UBE2D2: variants seen among roughly 807,000 people sequenced by gnomAD.
UBE2D2 encodes the protein ubiquitin-conjugating enzyme E2 D2.
UBE2D2 carries 2 observed loss-of-function variants against 24.2 expected under a neutral mutation model. That is an observed-to-expected ratio of 0.08 (90% CI 0.03 to 0.26). The LOEUF (loss-of-function observed/expected upper bound fraction) is 0.26, where lower values mean the gene tolerates loss of function less well. Among genes scored for constraint, UBE2D2 ranks in the 10% least tolerant of loss-of-function variants. The pLI, the probability that UBE2D2 is intolerant of heterozygous loss-of-function variation, is 1.00. For missense variants in UBE2D2, 44 were observed against 177.6 expected (o/e 0.25, Z 4.28); for synonymous variants, 58 against 56.5 (o/e 1.03, Z -0.12).
At chr5:139,587,642 C>A (rs1404388839) in intron 1 of UBE2D2, among the ~76,000 whole-genome samples, 1 of 137,286 alleles carries the variant, frequency 7.3e-6, no homozygotes, top group Admixed American at 8.2e-5. Flanking sequence ...CACTGCACTC[C>A]AGCCTGGCCG....
At chr5:139,544,168 C>CTT (rs33938446) in intron 1 of UBE2D2, among the ~76,000 whole-genome samples, 8,650 of 136,568 alleles carry the variant, frequency 0.063, 292 homozygotes, top group South Asian at 0.1. Flanking sequence ...TTCTTTCTTT[C>CTT]TTTTTTTTTT....
intron 1 of UBE2D2, among the ~76,000 whole-genome samples, chr5:139,546,184 C>T (rs1176913782): frequency 6.6e-6 from 1 of 151,992 alleles, no homozygotes; most frequent in African/African-American, 2.4e-5. Flanking sequence ...GCTGGGATTA[C>T]AGCTGCCCAC....
At chr5:139,606,850 CCT>C (rs1472392707) in intron 2 of UBE2D2, among the ~76,000 whole-genome samples, 4 of 152,074 alleles carry the variant, frequency 2.6e-5, no homozygotes, top group Non-Finnish European at 5.9e-5. Flanking sequence ...TCGTCGCCCC[CCT>C]GGAGTGTAGT....
chr5:139,566,347 A>C (rs1326780857), intron 1 of UBE2D2, among the ~76,000 whole-genome samples: 3 of 150,328 alleles, frequency 2.0e-5, no homozygotes. Flanking sequence ...AGGCGTCTCA[A>C]GACAAAGTTC....
chr5:139,617,135 A>G (rs1040647350), intron 5 of UBE2D2, among the ~76,000 whole-genome samples: 1 of 151,788 alleles, frequency 6.6e-6, no homozygotes, highest in Non-Finnish European at 1.5e-5. Context: ...GTGAGTCAAG[A>G]TGGTACCATT....
Position 139,608,693 on chromosome 5 carries a change from C to T in UBE2D2, c.89-5893C>T, listed in dbSNP as rs78499951. Among the ~76,000 whole-genome samples, 799 of 152,210 alleles carry T rather than the reference C, an allele frequency of 5.2e-3. 5 individuals carry two copies. The highest frequency in any genetic ancestry group is 0.018 in the African/African-American group (736 of 41,524). ...ACCCTGTTGGGGATTCTGCGTTGTCCAATTGTTAGTAGATTTTGATCCCAC... is the reference window on the plus strand; with the variant it reads ...ACCCTGTTGGGGATTCTGCGTTGTCTAATTGTTAGTAGATTTTGATCCCAC... On this transcript the variant is annotated intron_variant, in intron 2 of 6. Transcript: ENST00000398733.
chr5:139,561,865 G>A, intron 1 of UBE2D2, 50 bp downstream of exon 1: 1 of 1,446,280 alleles, frequency 6.9e-7, no homozygotes, highest in Admixed American at 2.8e-5. Context: ...GCAGGCTGCG[G>A]CCTGCACTTC....
At chr5:139,577,640 C>T (rs943181043) in intron 1 of UBE2D2, among the ~76,000 whole-genome samples, 12 of 152,134 alleles carry the variant, frequency 7.9e-5, no homozygotes, top group African/African-American at 2.9e-4. Flanking sequence ...TCTCGAACTC[C>T]TGACCTCAGG....
intron 1 of UBE2D2, among the ~76,000 whole-genome samples, chr5:139,574,231 A>T (rs548455013): frequency 2.3e-4 from 33 of 145,634 alleles, no homozygotes; most frequent in South Asian, 6.9e-4. Flanking sequence ...CAGTGAGCTG[A>T]GATTGCACAC....
At chr5:139,568,397 T>G (rs1279398614) in intron 1 of UBE2D2, among the ~76,000 whole-genome samples, 1 of 150,488 alleles carries the variant, frequency 6.6e-6, no homozygotes, top group African/African-American at 2.4e-5. Context: ...CTGTGGCTCA[T>G]GCCTGTAATC....
At chr5:139,586,759 C>G (rs796076158) in intron 1 of UBE2D2, among the ~76,000 whole-genome samples, 1 of 150,472 alleles carries the variant, frequency 6.6e-6, no homozygotes, top group Non-Finnish European at 1.5e-5. Context: ...AGCGAGACTC[C>G]GTCTCAAAAA....
chr5:139,549,612 G>A (rs1230846933), intron 1 of UBE2D2, among the ~76,000 whole-genome samples: 3 of 152,206 alleles, frequency 2.0e-5, no homozygotes, highest in Admixed American at 2.0e-4. Flanking sequence ...AGCCCGCCAT[G>A]CCTGAACACC....
At chr5:139,585,120 G>T (rs1038296380) in intron 1 of UBE2D2, among the ~76,000 whole-genome samples, 1 of 150,954 alleles carries the variant, frequency 6.6e-6, no homozygotes, top group Non-Finnish European at 1.5e-5. Flanking sequence ...GGCTGGTCTC[G>T]AACTCCGCAC....
intron 1 of UBE2D2, among the ~76,000 whole-genome samples, chr5:139,589,577 ACAGT>A (rs1753801373): frequency 6.6e-6 from 1 of 152,216 alleles, no homozygotes; most frequent in Non-Finnish European, 1.5e-5. Flanking sequence ...ACAGTTGCAT[ACAGT>A]GTTTGTTTTG....
At chr5:139,547,865 T>C (rs146729620) in intron 1 of UBE2D2, among the ~76,000 whole-genome samples, 2,090 of 152,054 alleles carry the variant, frequency 0.014, 50 homozygotes, top group African/African-American at 0.047. Flanking sequence ...CAGCTAATTT[T>C]TGTATTTTTA....
Position 139,626,969 on chromosome 5 carries a change from C to T in UBE2D2, c.*168C>T, listed in dbSNP as rs1754643375. 1.7e-6 allele frequency: 1 copy of T among 583,478 alleles called. No homozygotes were observed. Among genetic ancestry groups the T allele is most frequent in the Non-Finnish European group, 3.0e-6 (1 of 331,866 alleles). The allele number at this position is 583,478 out of a possible 1,614,324, so 36.1% of individuals were successfully genotyped here. On this transcript the variant is annotated 3_prime_UTR_variant, in exon 7 of 7. Transcript: ENST00000398733. ...TGCGTGTTGTACATACTTGGAACAA[C>T]AAACTAGAAATACTGTACTTCTGTA...
chr5:139,623,031 A>T (rs928082007), intron 5 of UBE2D2, among the ~76,000 whole-genome samples: 1 of 151,836 alleles, frequency 6.6e-6, no homozygotes, highest in African/African-American at 2.4e-5. Flanking sequence ...GCGAAACCCC[A>T]TCTCTACTAA....
At chr5:139,531,339 C>G (rs1752594062) in intron 1 of UBE2D2, among the ~76,000 whole-genome samples, 1 of 152,304 alleles carries the variant, frequency 6.6e-6, no homozygotes, top group South Asian at 2.1e-4. Context: ...CTGTTTCTCT[C>G]TGACCACCGG....
At chr5:139,556,236 C>CAA (rs572216597), upstream of UBE2D2, among the ~76,000 whole-genome samples, 6 of 117,962 alleles carry the variant, frequency 5.1e-5, no homozygotes, top group African/African-American at 1.9e-4. Flanking sequence ...AACTCCATCT[C>CAA]AAAAAAAAAA....
Sources: allele counts gnomAD v4.1 joint callset (sites outside exome capture counted in the v4.1 genomes callset), GRCh38; gene constraint gnomAD v4.1.1; transcripts MANE v1.5; gene names NCBI Gene and HGNC (gene_info 2026-07-23, HGNC 2026-07-21).